Variants in LARP4 observed in about 807,000 individuals in gnomAD.
The protein encoded by LARP4 is La ribonucleoprotein 4, also known as la-related protein 4.
Under a neutral mutation model 92.9 loss-of-function variants are expected in LARP4, and 29 were observed. The observed-to-expected ratio is 0.31, with a 90% confidence interval of 0.23 to 0.43. The LOEUF (loss-of-function observed/expected upper bound fraction) is 0.43, where lower values mean the gene tolerates loss of function less well. Ranked by LOEUF, LARP4 falls within the 20% of genes least tolerant of loss-of-function variation. The pLI is 1.00. For synonymous variants in LARP4, 279 were observed against 284.1 expected, an observed-to-expected ratio of 0.98 and a Z score of 0.18; for missense variants, 732 against 860.0, an observed-to-expected ratio of 0.85 and a Z score of 1.86.
At chr12:50,426,547 C>T (rs143873695) in intron 1 of LARP4, among the ~76,000 whole-genome samples, 7 of 152,004 alleles carry the variant, frequency 4.6e-5, no homozygotes, top group South Asian at 2.1e-4. Context: ...GAAAGGTATA[C>T]GCTTGTTATC....
chr12:50,442,354 C>T (rs1197341726), intron 8 of LARP4, among the ~76,000 whole-genome samples: 2 of 152,192 alleles, frequency 1.3e-5, no homozygotes, highest in African/African-American at 4.8e-5. Flanking sequence ...TCACTGATGA[C>T]ACATTTGATC....
chr12:50,411,078 T>TA (rs1945800240), intron 1 of LARP4, among the ~76,000 whole-genome samples: 1 of 152,318 alleles, frequency 6.6e-6, no homozygotes, highest in African/African-American at 2.4e-5. Flanking sequence ...TTCAAAGTGT[T>TA]ATCCGTAGAT....
intron 14 of LARP4, among the ~76,000 whole-genome samples, 185 bp from the exon 15 acceptor site, chr12:50,473,814 T>A (rs1286541298): frequency 8.0e-4 from 7 of 8,700 alleles, no homozygotes; most frequent in Non-Finnish European, 1.5e-3. Flanking sequence ...GGTGGGGGGG[T>A]GGGGGGGGTG....
At chr12:50,424,418 G>A (rs1413391951) in intron 1 of LARP4, among the ~76,000 whole-genome samples, 2 of 151,666 alleles carry the variant, frequency 1.3e-5, no homozygotes, top group Non-Finnish European at 2.9e-5. Flanking sequence ...GAGTACAGTG[G>A]CCCGATCTCG....
At chr12:50,443,163 T>A (rs192838443) in intron 8 of LARP4, among the ~76,000 whole-genome samples, 2 of 152,346 alleles carry the variant, frequency 1.3e-5, no homozygotes, top group East Asian at 1.9e-4. Context: ...ACTTAATTTT[T>A]TGTCATTTCT....
chr12:50,405,464 T>C (rs2136241621), intron 1 of LARP4, among the ~76,000 whole-genome samples: 1 of 152,126 alleles, frequency 6.6e-6, no homozygotes, highest in Non-Finnish European at 1.5e-5. Context: ...TTTTTTTTAA[T>C]TTTTAATTTT....
At chr12:50,401,165 C>G (rs1057068191) in intron 1 of LARP4, 137 bp downstream of exon 1, 37 of 941,078 alleles carry the variant, frequency 3.9e-5, no homozygotes, top group Non-Finnish European at 5.9e-5. Context: ...GCACCTGGGC[C>G]GAGCAGGCCT....
At chr12:50,440,201 C>G (rs1171835166) in intron 6 of LARP4, among the ~76,000 whole-genome samples, 3 of 152,150 alleles carry the variant, frequency 2.0e-5, no homozygotes, top group Admixed American at 6.6e-5. Flanking sequence ...CTTTGGAGTG[C>G]TCAGGCGGAA....
At chr12:50,419,863 C>T (rs1947443524) in intron 1 of LARP4, among the ~76,000 whole-genome samples, 1 of 152,086 alleles carries the variant, frequency 6.6e-6, no homozygotes, top group Admixed American at 6.6e-5. Context: ...TGTGATCACG[C>T]CCCTGCGCTC....
At chr12:50,466,294 T>G (rs1956140256) in intron 12 of LARP4, among the ~76,000 whole-genome samples, 1 of 152,030 alleles carries the variant, frequency 6.6e-6, no homozygotes, top group Non-Finnish European at 1.5e-5. Context: ...AGGGATATTG[T>G]TTTCTCTTGA....
At chr12:50,432,455 C>T (rs931475874) in intron 4 of LARP4, among the ~76,000 whole-genome samples, 2 of 152,104 alleles carry the variant, frequency 1.3e-5, no homozygotes, top group African/African-American at 4.8e-5. Flanking sequence ...TGATTTAGAG[C>T]TTGGCAGTTT....
chr12:50,406,843 A>C (rs1444797160), intron 1 of LARP4, among the ~76,000 whole-genome samples: 1 of 150,826 alleles, frequency 6.6e-6, no homozygotes, highest in African/African-American at 2.4e-5. Flanking sequence ...CAACCTCCCC[A>C]GTATAGCTGG....
intron 1 of LARP4, among the ~76,000 whole-genome samples, chr12:50,403,542 A>G (rs540806153): frequency 6.6e-5 from 10 of 152,342 alleles, no homozygotes; most frequent in African/African-American, 1.9e-4. Flanking sequence ...TTGTGATCCT[A>G]TATATTTTAG....
chr12:50,441,129 T>C (rs956514875), intron 7 of LARP4, among the ~76,000 whole-genome samples: 1 of 152,160 alleles, frequency 6.6e-6, no homozygotes, highest in African/African-American at 2.4e-5. Context: ...GTGATTCGCC[T>C]GCCTCAGCCT....
intron 8 of LARP4, among the ~76,000 whole-genome samples, chr12:50,451,087 T>C (rs1953104760): frequency 6.6e-6 from 1 of 152,216 alleles, no homozygotes; most frequent in Non-Finnish European, 1.5e-5. Context: ...CATGCCTTTT[T>C]GGTATTGCAA....
At chr12:50,414,631 T>G (rs1043607633) in intron 1 of LARP4, among the ~76,000 whole-genome samples, 2 of 152,160 alleles carry the variant, frequency 1.3e-5, no homozygotes, top group Non-Finnish European at 2.9e-5. Context: ...TGTACAGTGA[T>G]TTTGTTTGTT....
In LARP4 at chr12:50,441,233, A is replaced by C. The variant is rs182202346; in HGVS notation, c.751-357A>C. On this transcript the variant is annotated intron_variant, in intron 7 of 15. Coordinates refer to ENST00000398473, the MANE Select transcript of LARP4 (RefSeq NM_052879.5). ...TGTCTTAAAGAGAAATAATCCTTTG[A>C]AACACAAATATATCTATGATAAGGG... The C allele has an allele frequency of 6.8e-4, 119 of 174,488 alleles. 3 individuals carry two copies. The highest frequency in any genetic ancestry group is 6.3e-3 in the Admixed American group (100 of 15,768). 10.8% of individuals were successfully genotyped at this position (174,488 alleles called of 1,614,324 possible).
chr12:50,413,831 A>G (rs1946324209), intron 1 of LARP4, among the ~76,000 whole-genome samples: 1 of 152,234 alleles, frequency 6.6e-6, no homozygotes, highest in South Asian at 2.1e-4. Flanking sequence ...ACATTGATAC[A>G]GTCCACAGAC....
rs1051942547 is a variant in LARP4, at chr12:50,400,954, C to A, written c.-57C>A. 9.3e-6 allele frequency: 15 copies of A among 1,613,072 alleles called. No individual in the cohort carries two copies. The highest frequency in any genetic ancestry group is 1.3e-5 in the Non-Finnish European group (15 of 1,179,182). On this transcript the variant is annotated 5_prime_UTR_variant, in exon 1 of 16. Transcript: ENST00000398473. ...CTTATCCTAGCAATTGGGGCGCGGG[C>A]CTGTGAGCCAGTTGGAGTTGCGGCG... is the stretch of plus-strand genomic sequence containing the variant.
Sources: gnomAD v4.1 joint callset for allele counts (sites outside exome capture counted in the v4.1 genomes callset) on GRCh38, gnomAD v4.1.1 for gene constraint, MANE v1.5 for transcripts, NCBI Gene and HGNC (gene_info 2026-07-23, HGNC 2026-07-21) for gene names.